Variants in PIK3AP1 observed in about 807,000 individuals in gnomAD.
The protein encoded by PIK3AP1 is phosphoinositide-3-kinase adaptor protein 1.
In PIK3AP1, 21 loss-of-function variants were observed where a neutral mutation model predicts 88.1. The observed-to-expected ratio is 0.24, with a 90% CI of 0.17 to 0.34. The LOEUF (loss-of-function observed/expected upper bound fraction) is 0.34. Among genes scored for constraint, PIK3AP1 ranks in the 10% least tolerant of loss-of-function variants. The pLI, the probability that PIK3AP1 is intolerant of heterozygous loss-of-function variation, is 1.00. For synonymous variants in PIK3AP1, 398 were observed against 400.0 expected (o/e 1.00, Z 0.06); for missense variants, 828 against 1,035.7 (o/e 0.80, Z 2.75).
intron 2 of PIK3AP1, among the ~76,000 whole-genome samples, chr10:96,709,211 G>A (rs1314766372): frequency 2.6e-5 from 4 of 151,380 alleles, no homozygotes; most frequent in African/African-American, 9.7e-5. Flanking sequence ...CATGCAAGCA[G>A]GAGAGTGGGC....
In PIK3AP1 at chr10:96,692,514, C is replaced by G. The variant is rs1386827172; in HGVS notation, c.430+17053G>C. Among the ~76,000 whole-genome samples, 7 of 150,672 alleles carry G rather than the reference C, an allele frequency of 4.6e-5. No individual in the cohort carries two copies. The East Asian group carries it at 1.4e-3, about 30-fold the overall frequency. On this transcript the variant is annotated intron_variant, in intron 2 of 16. Transcript: ENST00000339364. Reference sequence around the variant, plus strand: ...GCTTGAACCAGGGAGCTGGAGATTGCAGTGAGCCGAGATCGCCACTGCACT... The same window carrying G: ...GCTTGAACCAGGGAGCTGGAGATTGGAGTGAGCCGAGATCGCCACTGCACT...
intron 13 of PIK3AP1, among the ~76,000 whole-genome samples, 171 bp from the exon 14 acceptor site, chr10:96,610,038 C>T (rs1007794616): frequency 1.3e-5 from 2 of 152,134 alleles, no homozygotes; most frequent in Non-Finnish European, 2.9e-5. Flanking sequence ...GGCCCCCTCC[C>T]CTTCAGCACT....
chr10:96,661,113 T>C (rs142910061), intron 2 of PIK3AP1, among the ~76,000 whole-genome samples: 62 of 151,812 alleles, frequency 4.1e-4, no homozygotes, highest in African/African-American at 1.4e-3. Context: ...CACTTGAACC[T>C]GGGAGGTGAA....
At chr10:96,685,033 G>A (rs748430235) in intron 2 of PIK3AP1, among the ~76,000 whole-genome samples, 8 of 152,184 alleles carry the variant, frequency 5.3e-5, no homozygotes, top group Non-Finnish European at 1.0e-4. Context: ...TAGAAATGAT[G>A]CAGACGTGTG....
At chr10:96,637,375 A>T (rs925955962) in intron 8 of PIK3AP1, among the ~76,000 whole-genome samples, 1 of 148,284 alleles carries the variant, frequency 6.7e-6, no homozygotes, top group African/African-American at 2.5e-5. Context: ...TAGTTATTTT[A>T]TTTTTTGATT....
rs558705602 is a variant in PIK3AP1 at position 96,670,416 on chromosome 10, AG to A, written c.431-13483del. Among the ~76,000 whole-genome samples the A allele has an allele frequency of 3.9e-5, 6 of 152,364 alleles. No homozygotes were observed. In the East Asian group the frequency reaches 1.2e-3, roughly 29 times the overall value. On this transcript the variant is annotated intron_variant, in intron 2 of 16. Transcript: ENST00000339364. The stretch of plus-strand genomic sequence containing the variant: ...TTATCAATGAATAATAAATATTCAA[AG>A]CCTATCCCAGGCTCCCCAAGAAATG...
At chr10:96,685,222 C>G (rs772407301) in intron 2 of PIK3AP1, among the ~76,000 whole-genome samples, 3 of 152,076 alleles carry the variant, frequency 2.0e-5, no homozygotes, top group Admixed American at 1.3e-4. Flanking sequence ...CTAAAATGAT[C>G]CTTGCATGGT....
chr10:96,613,618 C>T (rs1849164314), intron 13 of PIK3AP1, among the ~76,000 whole-genome samples: 1 of 152,196 alleles, frequency 6.6e-6, no homozygotes, highest in Non-Finnish European at 1.5e-5. Flanking sequence ...CTAAGCCATG[C>T]TCTTTTGGAA....
At chr10:96,709,217 T>C (rs1220180587) in intron 2 of PIK3AP1, among the ~76,000 whole-genome samples, 1 of 145,320 alleles carries the variant, frequency 6.9e-6, no homozygotes, top group East Asian at 2.0e-4. Flanking sequence ...AGCAGGAGAG[T>C]GGGCAGTCTT....
chr10:96,613,062 G>A (rs1202590586), intron 13 of PIK3AP1, among the ~76,000 whole-genome samples: 9 of 135,750 alleles, frequency 6.6e-5, no homozygotes, highest in Admixed American at 4.1e-4. Context: ...GCAGTGGTGC[G>A]ATCTTGGCTC....
intron 2 of PIK3AP1, among the ~76,000 whole-genome samples, chr10:96,696,138 C>G (rs1413009566): frequency 6.6e-6 from 1 of 152,288 alleles, no homozygotes; most frequent in East Asian, 1.9e-4. Flanking sequence ...TGAATATACT[C>G]ACTCCTCCAG....
chr10:96,720,255 G>A lies in PIK3AP1; in HGVS notation c.13+127C>T. The stretch of plus-strand genomic sequence containing the variant: ...TTTGCGACAGGGAACATAGAAAAGA[G>A]CAGAAAGAGGGCAAGATCCCCGCAC... On this transcript the variant is annotated intron_variant, in intron 1 of 16. Transcript: ENST00000339364. The surrounding 1 kb of genome is among the most constrained non-coding windows in gnomAD (Gnocchi z 4.6). The A allele has an allele frequency of 3.1e-6, 3 of 957,426 alleles. No individual in the cohort carries two copies. The highest frequency in any genetic ancestry group is 4.1e-6 in the Non-Finnish European group (3 of 735,858). The allele number at this position is 957,426 out of a possible 1,614,324, so 59.3% of individuals were successfully genotyped here.
rs750364113 is a variant in PIK3AP1, at chr10:96,632,946, T to TA, written c.1376-4454dup. 18 of 1,612,722 alleles carry TA rather than the reference T, an allele frequency of 1.1e-5. No homozygotes were observed. The Admixed American group carries it at 1.2e-4, about 10-fold the overall frequency. ...ACTCACAAAGATAAAGGACACAAGC[T>TA]AGCAGGGCAGTGAAGAGAGCTGGTC... On this transcript the variant is annotated intron_variant, in intron 8 of 16. Transcript: ENST00000339364.
At chr10:96,643,852 T>C (rs911220767) in intron 8 of PIK3AP1, among the ~76,000 whole-genome samples, 1 of 152,176 alleles carries the variant, frequency 6.6e-6, no homozygotes, top group Non-Finnish European at 1.5e-5. Context: ...TAACACTCAA[T>C]ATAGCCCATT....
At chr10:96,628,929 T>TATATA (rs1196583596) in intron 8 of PIK3AP1, among the ~76,000 whole-genome samples, 6 of 132,420 alleles carry the variant, frequency 4.5e-5, no homozygotes, top group Non-Finnish European at 8.0e-5. Flanking sequence ...TATATATATA[T>TATATA]GGCAAGGTCT....
chr10:96,657,213 G>T (rs1234541797), intron 2 of PIK3AP1, among the ~76,000 whole-genome samples: 2 of 152,120 alleles, frequency 1.3e-5, no homozygotes, highest in African/African-American at 4.8e-5. Flanking sequence ...TTAACCAATG[G>T]GTTTCCGGAA....
intron 2 of PIK3AP1, among the ~76,000 whole-genome samples, chr10:96,689,435 TG>T (rs1370619823): frequency 6.6e-6 from 1 of 151,414 alleles, no homozygotes; most frequent in African/African-American, 2.4e-5. Context: ...CTGGGCGTGG[TG>T]GCGGGCGCCT....
chr10:96,602,019 G>T (rs1343480810), intron 16 of PIK3AP1, among the ~76,000 whole-genome samples: 1 of 152,136 alleles, frequency 6.6e-6, no homozygotes, highest in African/African-American at 2.4e-5. Context: ...GAGTGGCTGG[G>T]ACTACAGGCG....
At chr10:96,612,295 C>T (rs139384374) in intron 13 of PIK3AP1, among the ~76,000 whole-genome samples, 16 of 152,300 alleles carry the variant, frequency 1.1e-4, no homozygotes, top group African/African-American at 2.6e-4. Context: ...ACGCCATCAA[C>T]GCTCTGTACC....
Sources: allele counts gnomAD v4.1 joint callset (sites outside exome capture counted in the v4.1 genomes callset), GRCh38; gene constraint gnomAD v4.1.1; non-coding constraint Gnocchi (gnomAD v3.1); transcripts MANE v1.5; gene names NCBI Gene and HGNC (gene_info 2026-07-23, HGNC 2026-07-21).